Variants in DNAJB12 observed in about 807,000 individuals in gnomAD.
The protein encoded by DNAJB12 is DnaJ heat shock protein family (Hsp40) member B12, also known as dnaJ homolog subfamily B member 12.
In DNAJB12, 14 loss-of-function variants were observed where a neutral mutation model predicts 40.6. The observed-to-expected ratio is 0.34, with a 90% CI of 0.23 to 0.54. DNAJB12 has a LOEUF of 0.54. DNAJB12 is among the 20% of genes least tolerant of loss of function. The pLI is 0.92. For synonymous variants in DNAJB12, 181 were observed against 199.5 expected (o/e 0.91, Z 0.78); for missense variants, 444 against 501.7 (o/e 0.89, Z 1.10).
intron 1 of DNAJB12, among the ~76,000 whole-genome samples, chr10:72,350,023 G>A (rs967111585): frequency 6.6e-6 from 1 of 152,040 alleles, no homozygotes; most frequent in Non-Finnish European, 1.5e-5. Flanking sequence ...AAGGGAATTC[G>A]ATAGAAGAGA....
chr10:72,344,013 C>T (rs111533541), intron 2 of DNAJB12, among the ~76,000 whole-genome samples: 2 of 152,072 alleles, frequency 1.3e-5, no homozygotes, highest in East Asian at 1.9e-4. Flanking sequence ...TCTCAGCCCC[C>T]CAAAGTGCTA....
At chr10:72,347,497 T>C (rs1861821257) in intron 1 of DNAJB12, among the ~76,000 whole-genome samples, 1 of 152,252 alleles carries the variant, frequency 6.6e-6, no homozygotes, top group Admixed American at 6.5e-5. Context: ...GTATCTGCTG[T>C]GCTCACAACT....
At chr10:72,336,426 C>CA in intron 7 of DNAJB12, 98 bp downstream of exon 7, 1 of 1,351,580 alleles carries the variant, frequency 7.4e-7, no homozygotes, top group Non-Finnish European at 1.0e-6. Flanking sequence ...GCTGGGCCCT[C>CA]AGAGCACAGG....
intron 5 of DNAJB12, 65 bp downstream of exon 5, chr10:72,340,724 A>T (rs1344889367): frequency 1.3e-6 from 2 of 1,521,972 alleles, no homozygotes; most frequent in Admixed American, 3.6e-5. Flanking sequence ...ACCCTCCTCC[A>T]AGCCCCCTCC....
intron 5 of DNAJB12, 128 bp from the exon 6 acceptor site, chr10:72,338,439 G>A (rs1861538693): frequency 7.3e-6 from 5 of 684,524 alleles, no homozygotes; most frequent in Middle Eastern, 2.8e-4. Context: ...TTCCCTCCAC[G>A]AGGCTCCAAA....
intron 1 of DNAJB12, among the ~76,000 whole-genome samples, chr10:72,348,166 G>C (rs933621292): frequency 6.6e-6 from 1 of 152,134 alleles, no homozygotes; most frequent in African/African-American, 2.4e-5. Flanking sequence ...AGGTTGCAGT[G>C]AACTGAGATT....
At chr10:72,341,881 G>A (rs532674010) in intron 3 of DNAJB12, among the ~76,000 whole-genome samples, 2 of 152,268 alleles carry the variant, frequency 1.3e-5, no homozygotes, top group East Asian at 1.9e-4. Flanking sequence ...TACAGAGCTG[G>A]GAGTCAAACA....
chr10:72,352,189 T>C (rs951765990), intron 1 of DNAJB12, among the ~76,000 whole-genome samples: 1 of 152,234 alleles, frequency 6.6e-6, no homozygotes, highest in African/African-American at 2.4e-5. Context: ...AAAACCTCAA[T>C]GGTTTCCTCA....
intron 1 of DNAJB12, among the ~76,000 whole-genome samples, chr10:72,345,569 CA>C (rs34465078): frequency 0.39 from 35,987 of 91,968 alleles, 6,375 homozygotes; most frequent in Non-Finnish European, 0.52. Flanking sequence ...GACCCTGTCT[CA>C]AAAAAAAAAA....
rs1377376325 is a variant in DNAJB12, at chr10:72,338,194, G to A, written c.833+8C>T. On this transcript the variant is annotated splice_region_variant and intron_variant, in intron 6 of 8. Transcript: ENST00000444643. Reference sequence around the variant, plus strand: ...CTGCCCATGGCCCGGCCTCACCCATGTACTCACGGTCTTGGACTCAGACTG... The same window carrying A: ...CTGCCCATGGCCCGGCCTCACCCATATACTCACGGTCTTGGACTCAGACTG... The A allele has an allele frequency of 6.2e-7, 1 of 1,612,534 alleles. No homozygotes were observed. The highest frequency in any genetic ancestry group is 8.5e-7 in the Non-Finnish European group (1 of 1,178,594).
rs1337744659 is a variant in DNAJB12, at chr10:72,336,572, C to T, written c.958G>A (p.Asp320Asn). The T allele has an allele frequency of 6.2e-7, 1 of 1,614,118 alleles. No homozygotes were observed. The highest frequency in any genetic ancestry group is 8.5e-7 in the Non-Finnish European group (1 of 1,179,980). The change falls in exon 7 of 9, where the codon GAT becomes AAT. Residue 320 changes from aspartate (D) to asparagine (N), a missense_variant. Physicochemically the swap from Asp to Asn is conservative, Grantham distance 23 (BLOSUM62 1). Coordinates refer to ENST00000444643, the MANE Select transcript of DNAJB12 (RefSeq NM_017626.7). Reference sequence around the variant, plus strand: ...TTGTTCCGGAGGTTGGCGATATAATCATCTTCCACATTCCGCTCGACTGTT... The same window carrying T: ...TTGTTCCGGAGGTTGGCGATATAATTATCTTCCACATTCCGCTCGACTGTT... ...LKTVERNVED[D>N]YIANLRNNCW... is the part of the protein sequence containing the mutation.
chr10:72,336,932 A>G (rs1029044668), intron 6 of DNAJB12: 6 of 399,618 alleles, frequency 1.5e-5, no homozygotes, highest in African/African-American at 1.2e-4. Flanking sequence ...TGCTTACCAC[A>G]CTGCTGACCT....
intron 1 of DNAJB12, among the ~76,000 whole-genome samples, chr10:72,350,044 G>T (rs1235714044): frequency 6.6e-6 from 1 of 152,060 alleles, no homozygotes; most frequent in Admixed American, 6.6e-5. Context: ...ACAGAGCTGC[G>T]GTGGAGAGGC....
intron 1 of DNAJB12, among the ~76,000 whole-genome samples, chr10:72,346,992 T>A (rs1049777347): frequency 3.3e-5 from 5 of 150,950 alleles, no homozygotes; most frequent in Non-Finnish European, 1.5e-5. Flanking sequence ...TGAGACGGAG[T>A]CTCACTCTGT....
chr10:72,336,758 T>TATG, intron 6 of DNAJB12, 62 bp from the exon 7 acceptor site: 1 of 1,470,788 alleles, frequency 6.8e-7, no homozygotes. Flanking sequence ...ACTCTAGGGG[T>TATG]ATGGGCCCCA....
At chr10:72,340,921 G>A (rs1861617345) in intron 4 of DNAJB12, 53 bp from the exon 5 acceptor site, 5 of 1,608,988 alleles carry the variant, frequency 3.1e-6, no homozygotes, top group South Asian at 2.2e-5. Context: ...AAAGGGAGAG[G>A]CTGGCATGCC....
At position 72,335,198 on chromosome 10, in the gene DNAJB12, G is replaced by A; in HGVS notation, c.*31-581C>T. On this transcript the variant is annotated intron_variant, in intron 8 of 8. Transcript: ENST00000444643. This position sits in a 1 kb window ranked among gnomAD's most constrained non-coding sequence, Gnocchi z 4.4. ...CACCAGAGGGGGGTGGTCAGGGCCC[G>A]CGGCCCCTGCCGCCACCAAGACTGC... 1 of 986,726 alleles carries A rather than the reference G, an allele frequency of 1.0e-6. No homozygotes were observed. Among genetic ancestry groups the A allele is most frequent in the Non-Finnish European group, 1.2e-6 (1 of 830,466 alleles). 61.1% of individuals were successfully genotyped at this position (986,726 alleles called of 1,614,324 possible).
rs985117524 is a variant in DNAJB12, at chr10:72,335,360, T to C, written c.*30+420A>G. ...TGGTATCAGGCAGGCAGTGTGCATA[T>C]GGGGCTCTCTTGGGCCCCACCATAT... On this transcript the variant is annotated intron_variant, in intron 8 of 8. Transcript: ENST00000444643. The surrounding 1 kb of genome is among the most constrained non-coding windows in gnomAD (Gnocchi z 4.4). 2 of 996,920 alleles carry C rather than the reference T, an allele frequency of 2.0e-6. No individual in the cohort carries two copies. Among genetic ancestry groups the C allele is most frequent in the Non-Finnish European group, 2.4e-6 (2 of 836,300 alleles). The allele number at this position is 996,920 out of a possible 1,614,324, so 61.8% of individuals were successfully genotyped here.
intron 5 of DNAJB12, among the ~76,000 whole-genome samples, chr10:72,338,978 G>C (rs1291785030): frequency 6.6e-6 from 1 of 152,038 alleles, no homozygotes; most frequent in Non-Finnish European, 1.5e-5. Context: ...AAAAAATTTT[G>C]ATCAGGGGCA....
Sources: allele counts gnomAD v4.1 joint callset (sites outside exome capture counted in the v4.1 genomes callset), GRCh38; gene constraint gnomAD v4.1.1; non-coding constraint Gnocchi (gnomAD v3.1); transcripts MANE v1.5; gene names NCBI Gene and HGNC (gene_info 2026-07-23, HGNC 2026-07-21).